TPRA1: variants seen among roughly 807,000 people sequenced by gnomAD.
The protein encoded by TPRA1 is transmembrane protein adipocyte-associated 1.
Under a neutral mutation model 40.1 loss-of-function variants are expected in TPRA1, and 28 were observed. The observed-to-expected ratio is 0.70, with a 90% confidence interval of 0.52 to 0.96. The LOEUF is 0.96. TPRA1 is among the 40% of genes least tolerant of loss of function. The pLI is 0.00. For missense variants in TPRA1, 441 were observed against 482.6 expected (o/e 0.91, Z 0.81); for synonymous variants, 219 against 209.7 (o/e 1.04, Z -0.38).
chr3:127,588,418 CTTTTT>C (rs34353913), intron 1 of TPRA1, among the ~76,000 whole-genome samples: 3 of 132,500 alleles, frequency 2.3e-5, no homozygotes, highest in Non-Finnish European at 4.8e-5. Flanking sequence ...GAAGCACTGA[CTTTTT>C]TTTTTTTTTT....
At position 127,576,602 on chromosome 3, in the gene TPRA1, C is replaced by T; in HGVS notation, c.498+15G>A. The T allele has an allele frequency of 6.3e-7, 1 of 1,585,812 alleles. No homozygotes were observed. The highest frequency in any genetic ancestry group is 8.6e-7 in the Non-Finnish European group (1 of 1,164,886). Reference sequence around the variant, plus strand: ...CCTGACTCCTAGCGTCCCCTGCCCACACTCACCCTCTTACCTGGGTGACAG... The same window carrying T: ...CCTGACTCCTAGCGTCCCCTGCCCATACTCACCCTCTTACCTGGGTGACAG... On this transcript the variant is annotated intron_variant, in intron 6 of 10. Coordinates refer to ENST00000355552, the MANE Select transcript of TPRA1 (RefSeq NM_001136053.4). This position sits in a 1 kb window ranked among gnomAD's most constrained non-coding sequence, Gnocchi z 4.6.
intron 10 of TPRA1, 149 bp downstream of exon 10, chr3:127,575,032 CTGTA>C (rs1276728903): frequency 1.0e-5 from 8 of 774,140 alleles, no homozygotes; most frequent in Admixed American, 5.5e-5. Context: ...GCATGTGTAT[CTGTA>C]TGTGTGTGCC....
upstream of TPRA1, among the ~76,000 whole-genome samples, chr3:127,593,370 C>T (rs576581736): frequency 1.7e-4 from 26 of 152,296 alleles, no homozygotes; most frequent in African/African-American, 6.0e-4. Flanking sequence ...AGATAACAGA[C>T]GCCAGATGGT....
At chr3:127,596,980 A>G (rs1434788478) in intron 1 of TPRA1, among the ~76,000 whole-genome samples, 1 of 152,104 alleles carries the variant, frequency 6.6e-6, no homozygotes, top group Non-Finnish European at 1.5e-5. Context: ...ACCGGGCACA[A>G]TGGCGTGCAT....
At chr3:127,583,558 G>C (rs1203735961) in intron 1 of TPRA1, among the ~76,000 whole-genome samples, 1 of 152,128 alleles carries the variant, frequency 6.6e-6, no homozygotes, top group Non-Finnish European at 1.5e-5. Flanking sequence ...CAATCTTCAA[G>C]TGATGGGGAA....
upstream of TPRA1, among the ~76,000 whole-genome samples, chr3:127,592,584 A>G (rs2074197249): frequency 6.6e-6 from 1 of 150,852 alleles, no homozygotes; most frequent in South Asian, 2.1e-4. Context: ...ACGGGGTTTC[A>G]CCTTGTTAGC....
Position 127,573,508 on chromosome 3 carries a change from C to A in TPRA1, c.*13G>T. On this transcript the variant is annotated 3_prime_UTR_variant, in exon 11 of 11. Coordinates refer to ENST00000355552, the MANE Select transcript of TPRA1 (RefSeq NM_001136053.4). Reference sequence around the variant, plus strand: ...CTCTCTGGCCTGTCCTCCACAGGCCCTGGCAGCTGCCCTCAGGCATTGATG... The same window carrying A: ...CTCTCTGGCCTGTCCTCCACAGGCCATGGCAGCTGCCCTCAGGCATTGATG... 6.2e-7 allele frequency: 1 copy of A among 1,606,404 alleles called. No homozygotes were observed. The highest frequency in any genetic ancestry group is 8.5e-7 in the Non-Finnish European group (1 of 1,176,436).
At chr3:127,578,193 T>C (rs1210501858) in intron 3 of TPRA1, among the ~76,000 whole-genome samples, 1 of 152,186 alleles carries the variant, frequency 6.6e-6, no homozygotes, top group Admixed American at 6.5e-5. Context: ...CCATGAGAAA[T>C]TGTGTCAGCA....
intron 3 of TPRA1, 145 bp from the exon 4 acceptor site, chr3:127,577,221 G>C: frequency 1.3e-6 from 1 of 771,048 alleles, no homozygotes; most frequent in Non-Finnish European, 2.2e-6. Flanking sequence ...GGGACACAGG[G>C]AGGTGGGGAT....
rs776486590 is a variant in TPRA1 at position 127,575,453 on chromosome 3, C to A, written c.723G>T (p.Leu241=). 2.5e-6 allele frequency: 4 copies of A among 1,603,728 alleles called. No homozygotes were observed. Among genetic ancestry groups the A allele is most frequent in the Non-Finnish European group, 2.6e-6 (3 of 1,175,358 alleles). ...YAGILALLNL[L]QGLGSVLLCF... ...ACAGCAGCACACTCCCCAGCCCCTG[C>A]AGTAGGTTGAGCAGTGCCAGGATGC... The change falls in exon 9 of 11, where the codon CTG becomes CTT. Residue 241 remains leucine (L), a synonymous_variant. Transcript: ENST00000355552.
In TPRA1 at chr3:127,572,752, A is replaced by C. The variant is rs78770836; in HGVS notation, c.*769T>G. The stretch of plus-strand genomic sequence containing the variant: ...AATAGTAAGTCCATTCTGCGTTTTA[A>C]TGGAGCTGAGCAGAGAGAACCGGCT... On this transcript the variant is annotated 3_prime_UTR_variant, in exon 11 of 11. Transcript: ENST00000355552. 0.014 allele frequency among the ~76,000 whole-genome samples: 2,102 copies of C among 152,292 alleles called. 38 individuals are homozygous for C. The highest frequency in any genetic ancestry group is 0.043 in the African/African-American group (1,797 of 41,560).
chr3:127,583,973 C>G (rs182882278), intron 1 of TPRA1, among the ~76,000 whole-genome samples: 6 of 151,788 alleles, frequency 4.0e-5, no homozygotes, highest in African/African-American at 1.5e-4. Context: ...CCAGCCCACA[C>G]GTGCTTTTAT....
chr3:127,575,720 T>C, intron 8 of TPRA1, 29 bp downstream of exon 8: 2 of 1,612,242 alleles, frequency 1.2e-6, no homozygotes, highest in Non-Finnish European at 1.7e-6. Context: ...CATCCCCGCC[T>C]GTCCCAGAGC....
In TPRA1 at chr3:127,577,062, C is replaced by A. The variant is rs142716515; in HGVS notation, c.273G>T (p.Ala91=). The part of the protein sequence containing the change: ...ITFYILVFVV[A]LVGIARAVVS... The stretch of plus-strand genomic sequence containing the variant: ...CCACGGCCCGGGCAATGCCCACCAG[C>A]GCCACCACAAACACCTGGTGGGCAA... Residue 91 remains alanine, a synonymous_variant, in exon 4 of 11, where the codon GCG becomes GCT. Coordinates refer to ENST00000355552, the MANE Select transcript of TPRA1 (RefSeq NM_001136053.4). 21 of 1,613,430 alleles carry A rather than the reference C, an allele frequency of 1.3e-5. No individual in the cohort carries two copies. The highest frequency in any genetic ancestry group is 1.7e-5 in the Non-Finnish European group (20 of 1,180,012).
In TPRA1 at chr3:127,576,900, G is replaced by C. The variant is rs375526636; in HGVS notation, c.346-7C>G. On this transcript the variant is annotated splice_region_variant and splice_polypyrimidine_tract_variant and intron_variant, in intron 4 of 10. Transcript: ENST00000355552. The surrounding 1 kb of genome is among the most constrained non-coding windows in gnomAD (Gnocchi z 4.6). Reference sequence around the variant, plus strand: ...GGGTGATCTCCCACAGGATCTGCACGCAGAGTGGGCACAGCGTCAGCCTGG... The same window carrying C: ...GGGTGATCTCCCACAGGATCTGCACCCAGAGTGGGCACAGCGTCAGCCTGG... 2 of 1,613,754 alleles carry C rather than the reference G, an allele frequency of 1.2e-6. No individual in the cohort carries two copies. The highest frequency in any genetic ancestry group is 1.7e-6 in the Non-Finnish European group (2 of 1,180,012).
upstream of TPRA1, among the ~76,000 whole-genome samples, chr3:127,595,194 G>A (rs915885025): frequency 6.6e-6 from 1 of 152,224 alleles, no homozygotes; most frequent in African/African-American, 2.4e-5. Context: ...AGGGCCATCA[G>A]GGCCATAATA....
intron 1 of TPRA1, among the ~76,000 whole-genome samples, chr3:127,583,145 C>CA (rs745975427): frequency 0.066 from 5,236 of 79,938 alleles, 265 homozygotes; most frequent in African/African-American, 0.15. Context: ...GACTCCGTCT[C>CA]AAAAAAAAAA....
At position 127,575,209 on chromosome 3, in the gene TPRA1, A is replaced by T. The variant is rs557736127; in HGVS notation, c.830T>A (p.Val277Glu). ...YFSFFAPLIYVAFLRGFFGSE... is the reference protein window; with the variant it reads ...YFSFFAPLIYEAFLRGFFGSE... The stretch of plus-strand genomic sequence containing the variant: ...CCCGAAGAAGCCCCGGAGGAAAGCC[A>T]CGTAGATGAGCGGAGCGAAGAAGCT... Residue 277 changes from valine to glutamate, a missense_variant, in exon 10 of 11, where the codon GTG becomes GAG. Coordinates refer to ENST00000355552, the MANE Select transcript of TPRA1 (RefSeq NM_001136053.4). 2.5e-6 allele frequency: 4 copies of T among 1,614,034 alleles called. No homozygotes were observed. In the African/African-American group the frequency reaches 4.0e-5, roughly 16 times the overall value.
chr3:127,588,418 CTTT>C (rs34353913), intron 1 of TPRA1, among the ~76,000 whole-genome samples: 6 of 132,478 alleles, frequency 4.5e-5, no homozygotes, highest in Admixed American at 1.5e-4. Flanking sequence ...GAAGCACTGA[CTTT>C]TTTTTTTTTT....
Sources: allele counts gnomAD v4.1 joint callset (sites outside exome capture counted in the v4.1 genomes callset), GRCh38; gene constraint gnomAD v4.1.1; non-coding constraint Gnocchi (gnomAD v3.1); transcripts MANE v1.5; gene names NCBI Gene and HGNC (gene_info 2026-07-23, HGNC 2026-07-21).